Variants in ELMO1 observed in about 807,000 individuals in gnomAD.
ELMO1 encodes the protein engulfment and cell motility protein 1.
A neutral mutation model predicts 98.9 loss-of-function variants in ELMO1; 26 were observed. The ratio of observed to expected loss-of-function variants is 0.26; its 90% CI spans 0.19 to 0.36. The LOEUF (loss-of-function observed/expected upper bound fraction) is 0.36, where lower values mean the gene tolerates loss of function less well. Among genes scored for constraint, ELMO1 ranks in the 10% least tolerant of loss-of-function variants. The pLI is 1.00. For synonymous variants in ELMO1, 346 were observed against 346.0 expected (o/e 1.00, Z 0.00); for missense variants, 627 against 935.2 (o/e 0.67, Z 4.30).
intron 1 of ELMO1, chr7:37,353,224 T>G (rs1182526512): frequency 6.6e-6 from 1 of 152,260 alleles, no homozygotes; most frequent in South Asian, 2.1e-4. Flanking sequence ...AAGGTCCTTT[T>G]GTGTCCAGAA....
intron 16 of ELMO1, among the ~76,000 whole-genome samples, chr7:36,933,473 C>T (rs1017819778): frequency 1.3e-5 from 2 of 152,162 alleles, no homozygotes; most frequent in Admixed American, 6.5e-5. Flanking sequence ...GAGAAGTGAG[C>T]TGTGAAATCA....
intron 7 of ELMO1, among the ~76,000 whole-genome samples, chr7:37,237,175 A>G (rs1413544309): frequency 6.6e-6 from 1 of 152,246 alleles, no homozygotes. Flanking sequence ...TCTTCATTCC[A>G]ACAAAATTCA....
At chr7:37,204,350 A>G (rs1393176340) in intron 13 of ELMO1, 1 of 407,546 alleles carries the variant, frequency 2.5e-6, no homozygotes, top group Non-Finnish European at 4.9e-6. Context: ...TGACTTCAAG[A>G]GTGAAGCTGC....
chr7:37,244,482 G>T (rs1770694437), intron 6 of ELMO1, 91 bp from the exon 7 acceptor site: 3 of 1,361,890 alleles, frequency 2.2e-6, no homozygotes, highest in Admixed American at 4.0e-5. Flanking sequence ...CTCAGGATTA[G>T]ATTTAGGACA....
At chr7:36,959,281 C>G (rs934396547) in intron 16 of ELMO1, among the ~76,000 whole-genome samples, 2 of 152,100 alleles carry the variant, frequency 1.3e-5, no homozygotes, top group Non-Finnish European at 2.9e-5. Flanking sequence ...CCCCTCATTC[C>G]CCTACAGTCT....
chr7:37,205,162 A>G (rs28710369), intron 13 of ELMO1, among the ~76,000 whole-genome samples: 29,403 of 152,160 alleles, frequency 0.19, 3,199 homozygotes, highest in Middle Eastern at 0.28. Flanking sequence ...TCTCCTCTCC[A>G]TAGTTTACTG....
intron 16 of ELMO1, among the ~76,000 whole-genome samples, chr7:36,929,925 G>A (rs1423510183): frequency 6.6e-6 from 1 of 152,212 alleles, no homozygotes; most frequent in African/African-American, 2.4e-5. Flanking sequence ...TTGAGAAAAT[G>A]AATAGTCTGC....
intron 1 of ELMO1, among the ~76,000 whole-genome samples, chr7:37,445,956 G>C (rs972365551): frequency 4.6e-5 from 7 of 152,192 alleles, no homozygotes; most frequent in African/African-American, 1.7e-4. Context: ...GTCATTAAGT[G>C]TACTGGTTAT....
chr7:37,282,575 G>A (rs1447294278), intron 4 of ELMO1, among the ~76,000 whole-genome samples: 3 of 152,098 alleles, frequency 2.0e-5, no homozygotes, highest in African/African-American at 4.8e-5. Context: ...GACCGTTAAG[G>A]AAGCATATTA....
intron 13 of ELMO1, among the ~76,000 whole-genome samples, chr7:37,203,818 C>G (rs1792438995): frequency 6.6e-6 from 1 of 152,084 alleles, no homozygotes; most frequent in Admixed American, 6.5e-5. Context: ...CAGGGTCAAC[C>G]AACTTGTTGT....
intron 16 of ELMO1, among the ~76,000 whole-genome samples, chr7:36,919,158 C>T (rs777873482): frequency 2.6e-5 from 4 of 152,166 alleles, no homozygotes; most frequent in Admixed American, 1.3e-4. Context: ...TAAATATGCA[C>T]CTTGGGTTGC....
chr7:37,320,808 T>A (rs1336681461), intron 2 of ELMO1, among the ~76,000 whole-genome samples: 1 of 152,104 alleles, frequency 6.6e-6, no homozygotes, highest in Admixed American at 6.6e-5. Flanking sequence ...TTCACGAACT[T>A]TCCTTTAAAA....
intron 15 of ELMO1, among the ~76,000 whole-genome samples, chr7:37,064,539 G>A (rs1437610219): frequency 1.3e-5 from 2 of 152,210 alleles, no homozygotes; most frequent in Non-Finnish European, 2.9e-5. Flanking sequence ...ACCTGCCTCA[G>A]TGGTGTAGCT....
chr7:36,911,166 G>C (rs535044928), intron 16 of ELMO1, among the ~76,000 whole-genome samples: 7 of 152,246 alleles, frequency 4.6e-5, no homozygotes, highest in African/African-American at 1.7e-4. Context: ...TTTGTGCTTG[G>C]TTTTGCCATG....
chr7:36,932,988 A>T (rs369645505), intron 16 of ELMO1, among the ~76,000 whole-genome samples: 8 of 152,270 alleles, frequency 5.3e-5, no homozygotes, highest in African/African-American at 1.4e-4. Context: ...GGGCTCAGAG[A>T]TCGTGTAGAG....
At chr7:37,177,194 T>C (rs1030662332) in intron 13 of ELMO1, among the ~76,000 whole-genome samples, 1 of 152,228 alleles carries the variant, frequency 6.6e-6, no homozygotes, top group African/African-American at 2.4e-5. Flanking sequence ...AAAGCAAATC[T>C]GAGATTTCAT....
At position 37,211,520 on chromosome 7, in the gene ELMO1, G is replaced by A. The variant is rs759878634; in HGVS notation, c.955-3C>T. The A allele has an allele frequency of 9.9e-6, 16 of 1,613,430 alleles. No individual in the cohort carries two copies. The highest frequency in any genetic ancestry group is 1.7e-5 in the Admixed American group (1 of 59,918). On this transcript the variant is annotated splice_region_variant and splice_polypyrimidine_tract_variant and intron_variant, in intron 12 of 21. Coordinates refer to ENST00000310758, the MANE Select transcript of ELMO1 (RefSeq NM_014800.11). Reference sequence around the variant, plus strand: ...TCAAATATGATGTCCCTCTGAGCCTGAAGGAATCAGGGAGTAAAAAGAAAA... The same window carrying A: ...TCAAATATGATGTCCCTCTGAGCCTAAAGGAATCAGGGAGTAAAAAGAAAA...
intron 16 of ELMO1, among the ~76,000 whole-genome samples, chr7:36,895,543 C>T (rs574380398): frequency 3.3e-5 from 5 of 152,232 alleles, no homozygotes; most frequent in Non-Finnish European, 2.9e-5. Context: ...ACTAATTACG[C>T]ATTTGGAAAT....
intron 1 of ELMO1, among the ~76,000 whole-genome samples, chr7:37,410,862 A>G (rs79815326): frequency 0.012 from 1,885 of 152,316 alleles, 67 homozygotes; most frequent in East Asian, 0.12. Flanking sequence ...AAAGAAAAGG[A>G]TGCAATTCAT....
Sources: gnomAD v4.1 joint callset for allele counts (sites outside exome capture counted in the v4.1 genomes callset) on GRCh38, gnomAD v4.1.1 for gene constraint, MANE v1.5 for transcripts, NCBI Gene and HGNC (gene_info 2026-07-23, HGNC 2026-07-21) for gene names.